Variants in URI1 observed in about 807,000 individuals in gnomAD.
The protein encoded by URI1 is unconventional prefoldin RPB5 interactor 1.
In URI1, 39 loss-of-function variants were observed where a neutral mutation model predicts 60.2. That is an observed-to-expected ratio of 0.65 (90% confidence interval 0.50 to 0.85). The LOEUF is 0.85. Ranked by LOEUF, URI1 falls within the 40% of genes least tolerant of loss-of-function variation. URI1 has a pLI of 0.00. For missense variants in URI1, 691 were observed against 665.9 expected, an observed-to-expected ratio of 1.04 and a Z score of -0.42; for synonymous variants, 251 against 236.8, an observed-to-expected ratio of 1.06 and a Z score of -0.55.
chr19:29,926,985 G>C (rs2054873734), intron 1 of URI1, among the ~76,000 whole-genome samples: 3 of 152,192 alleles, frequency 2.0e-5, no homozygotes, highest in Non-Finnish European at 4.4e-5. Flanking sequence ...GAGACACAAA[G>C]ACCAGCTTGT....
intron 3 of URI1, 73 bp downstream of exon 3, chr19:29,985,374 AATG>A: frequency 1.5e-6 from 2 of 1,320,328 alleles, no homozygotes; most frequent in South Asian, 1.2e-5. Flanking sequence ...CGGTTCACAG[AATG>A]TCAGGCTGAT....
intron 1 of URI1, 137 bp downstream of exon 1, chr19:29,942,801 C>T: frequency 9.2e-7 from 1 of 1,091,144 alleles, no homozygotes; most frequent in Non-Finnish European, 1.2e-6. Flanking sequence ...TTGTCACGTG[C>T]TTCTGTTGTC....
At chr19:29,988,965 A>G (rs1453349499) in intron 4 of URI1, among the ~76,000 whole-genome samples, 2 of 152,174 alleles carry the variant, frequency 1.3e-5, no homozygotes, top group Non-Finnish European at 2.9e-5. Flanking sequence ...TAAGAAGTGT[A>G]GCCATTTGAA....
At chr19:30,008,981 C>G (rs1459118541) in intron 7 of URI1, 24 bp from the exon 8 acceptor site, 7 of 1,529,650 alleles carry the variant, frequency 4.6e-6, no homozygotes, top group Non-Finnish European at 6.2e-6. Flanking sequence ...TTTGTTTGAT[C>G]TTGTTAATTT....
chr19:29,935,232 T>G (rs1184260820), intron 1 of URI1, among the ~76,000 whole-genome samples: 2 of 152,154 alleles, frequency 1.3e-5, no homozygotes, highest in Non-Finnish European at 2.9e-5. Flanking sequence ...CATCTTAAAT[T>G]TATAACACCC....
intron 1 of URI1, 43 bp from the exon 2 acceptor site, chr19:29,971,150 A>G: frequency 1.2e-6 from 2 of 1,602,706 alleles, no homozygotes; most frequent in South Asian, 1.1e-5. Context: ...AGCTCTGTGC[A>G]TAGCTCTGTT....
intron 1 of URI1, among the ~76,000 whole-genome samples, chr19:29,944,142 TATA>T (rs1256191381): frequency 5.2e-4 from 8 of 15,528 alleles, no homozygotes; most frequent in African/African-American, 9.9e-4. Flanking sequence ...CTGTCATTCA[TATA>T]TATATATATA....
intron 9 of URI1, 44 bp from the exon 10 acceptor site, chr19:30,012,241 A>T (rs1328607887): frequency 6.6e-7 from 1 of 1,524,704 alleles, no homozygotes. Flanking sequence ...TCTCAGTTTT[A>T]TGAGTTACGT....
At chr19:29,962,094 T>A (rs979454412) in intron 1 of URI1, among the ~76,000 whole-genome samples, 1 of 152,218 alleles carries the variant, frequency 6.6e-6, no homozygotes, top group African/African-American at 2.4e-5. Flanking sequence ...GACTGTACCA[T>A]TTTACATTCC....
At chr19:30,000,389 C>T (rs1242699820) in intron 4 of URI1, among the ~76,000 whole-genome samples, 1 of 151,984 alleles carries the variant, frequency 6.6e-6, no homozygotes, top group Non-Finnish European at 1.5e-5. Flanking sequence ...TTTCCCAAAG[C>T]ACCCTTTTTT....
chr19:29,948,719 TGTA>T (rs2055132575), intron 1 of URI1, among the ~76,000 whole-genome samples: 2 of 152,202 alleles, frequency 1.3e-5, no homozygotes, highest in Admixed American at 6.5e-5. Context: ...CAGAACAAAA[TGTA>T]GTCTCCTATG....
At position 29,925,116 on chromosome 19, in the gene URI1, G is replaced by A. The variant is rs148214316; in HGVS notation, c.63+1362G>A. Among the ~76,000 whole-genome samples, 729 of 152,330 alleles carry A rather than the reference G, an allele frequency of 4.8e-3. 8 individuals are homozygous for A. The highest frequency in any genetic ancestry group is 0.017 in the African/African-American group (691 of 41,582). ...CTCCCAAAGTGCTGGGATTACAGGC[G>A]TGAGCCACCACACCTTGCTGCACCC... On this transcript the variant is annotated intron_variant, in intron 1 of 10. Transcript: ENST00000360605.
intron 4 of URI1, among the ~76,000 whole-genome samples, chr19:30,000,872 T>C (rs897039524): frequency 1.3e-5 from 2 of 151,970 alleles, no homozygotes; most frequent in African/African-American, 4.8e-5. Context: ...TCTTGTTGCC[T>C]ATTTGTTTGT....
chr19:29,997,756 CAG>C, intron 4 of URI1, among the ~76,000 whole-genome samples: 1 of 151,788 alleles, frequency 6.6e-6, no homozygotes, highest in East Asian at 1.9e-4. Context: ...TTGTTGGTCT[CAG>C]GGTATTTTCT....
At chr19:29,971,346 CTAG>C in intron 2 of URI1, 119 bp downstream of exon 2, 1 of 937,034 alleles carries the variant, frequency 1.1e-6, no homozygotes, top group Non-Finnish European at 1.7e-6. Context: ...TTGAATTCTT[CTAG>C]TAGTCTCCAT....
At chr19:29,935,018 C>T (rs897193015) in intron 1 of URI1, among the ~76,000 whole-genome samples, 1 of 152,164 alleles carries the variant, frequency 6.6e-6, no homozygotes, top group Non-Finnish European at 1.5e-5. Flanking sequence ...AAAGTAATTA[C>T]CAATAAAGGA....
intron 4 of URI1, among the ~76,000 whole-genome samples, chr19:30,002,915 T>C (rs2055895967): frequency 6.6e-6 from 1 of 152,016 alleles, no homozygotes; most frequent in Non-Finnish European, 1.5e-5. Flanking sequence ...CTTAATTAGA[T>C]TTCAACTTAG....
chr19:29,955,501 A>G (rs962619911), intron 1 of URI1, among the ~76,000 whole-genome samples: 3 of 152,030 alleles, frequency 2.0e-5, no homozygotes, highest in Non-Finnish European at 4.4e-5. Context: ...ATTTATAACC[A>G]CCCTCTCAAT....
At chr19:29,970,323 T>C (rs191391) in intron 1 of URI1, among the ~76,000 whole-genome samples, 1 of 151,940 alleles carries the variant, frequency 6.6e-6, no homozygotes, top group Non-Finnish European at 1.5e-5. Flanking sequence ...GTCTCTAAAA[T>C]GGTATATGGT....
Sources: gnomAD v4.1 joint callset for allele counts (sites outside exome capture counted in the v4.1 genomes callset) on GRCh38, gnomAD v4.1.1 for gene constraint, MANE v1.5 for transcripts, NCBI Gene and HGNC (gene_info 2026-07-23, HGNC 2026-07-21) for gene names.